The following CECR2 variants were observed in gnomAD, a reference collection of about 807,000 sequenced individuals.
The protein encoded by CECR2 is chromatin remodeling regulator CECR2.
Under a neutral mutation model 154.5 loss-of-function variants are expected in CECR2, and 30 were observed. The ratio of observed to expected loss-of-function variants is 0.19; its 90% CI spans 0.15 to 0.26. The LOEUF is 0.26. Ranked by LOEUF, CECR2 falls within the 10% of genes least tolerant of loss-of-function variation. The probability of loss-of-function intolerance (pLI) is 1.00; values close to 1 mark genes in which losing one functional copy is unlikely to be tolerated. For synonymous variants in CECR2, 725 were observed against 683.7 expected (o/e 1.06, Z -0.94); for missense variants, 1,743 against 1,829.3 (o/e 0.95, Z 0.86).
In CECR2 at chr22:17,497,713, A is replaced by G. The variant is rs1390037191; in HGVS notation, c.405+127A>G. On this transcript the variant is annotated intron_variant, in intron 3 of 18. Coordinates refer to ENST00000262608, the MANE Select transcript of CECR2 (RefSeq NM_001290047.2). ...TGTGGTACTAGTCTTGGTACTATTC[A>G]TTGCCAATAACACTGTATGGAAAAC... The G allele has an allele frequency of 4.9e-5, 41 of 833,320 alleles. No homozygotes were observed. In the South Asian group the frequency reaches 6.1e-4, roughly 12 times the overall value. 51.6% of individuals were successfully genotyped at this position (833,320 alleles called of 1,614,324 possible).
intron 1 of CECR2, among the ~76,000 whole-genome samples, chr22:17,412,037 C>A (rs2054075344): frequency 6.6e-6 from 1 of 152,298 alleles, no homozygotes; most frequent in East Asian, 1.9e-4. Context: ...ATACATGACT[C>A]TTTCCTTAGG....
chr22:17,499,406 G>T lies in CECR2; in HGVS notation c.406-4G>T, dbSNP rs2055694916. 1 of 1,613,054 alleles carries T rather than the reference G, an allele frequency of 6.2e-7. No homozygotes were observed. Among genetic ancestry groups the T allele is most frequent in the African/African-American group, 1.3e-5 (1 of 74,860 alleles). The stretch of plus-strand genomic sequence containing the variant: ...CCCAAACCCCTTTTCCGTGCTCTGT[G>T]TAGGGCCTGGATGCAGACAGTCTCC... On this transcript the variant is annotated splice_region_variant and splice_polypyrimidine_tract_variant and intron_variant, in intron 3 of 18. Coordinates refer to ENST00000262608, the MANE Select transcript of CECR2 (RefSeq NM_001290047.2).
At chr22:17,534,977 C>T (rs1408958367) in intron 9 of CECR2, among the ~76,000 whole-genome samples, 3 of 151,432 alleles carry the variant, frequency 2.0e-5, no homozygotes, top group South Asian at 2.1e-4. Context: ...AGTGAAACCC[C>T]GTCTCTACTA....
chr22:17,463,800 T>C (rs550290919), intron 1 of CECR2, among the ~76,000 whole-genome samples: 1 of 152,162 alleles, frequency 6.6e-6, no homozygotes, highest in East Asian at 1.9e-4. Context: ...TGAGCCATGA[T>C]GCTGAAAGAG....
chr22:17,448,415 T>C (rs998135746), intron 1 of CECR2, among the ~76,000 whole-genome samples: 4 of 152,206 alleles, frequency 2.6e-5, no homozygotes, highest in Non-Finnish European at 5.9e-5. Flanking sequence ...TGGAAAGAAG[T>C]AATGTAATGG....
Position 17,542,886 on chromosome 22 carries a change from C to G in CECR2, c.2743C>G (p.Pro915Ala). 6.2e-7 allele frequency: 1 copy of G among 1,613,950 alleles called. No homozygotes were observed. The highest frequency in any genetic ancestry group is 8.5e-7 in the Non-Finnish European group (1 of 1,179,882). Residue 915 changes from proline (P) to alanine (A), a missense_variant, in exon 16 of 19, where the codon CCT (proline) becomes GCT (alanine). This residue lies in a region of CECR2 where 1,250 missense variants were observed against 1,192.1 expected (regional missense o/e 1.05). Transcript: ENST00000262608. ...GCCTGCACACCCCCGTTTACCTGGC[C>G]CTTTTCCGCAGGTAGCTCACCCAAT... ...HQPAHPRLPGPFPQVAHPMSV... is the reference protein window; with the variant it reads ...HQPAHPRLPGAFPQVAHPMSV...
At chr22:17,461,837 G>A (rs1226361877) in intron 1 of CECR2, among the ~76,000 whole-genome samples, 1 of 149,348 alleles carries the variant, frequency 6.7e-6, no homozygotes, top group Non-Finnish European at 1.5e-5. Context: ...CTGTCGCCCA[G>A]GCTGGAGTGC....
chr22:17,472,953 GTT>G (rs2055151585), intron 1 of CECR2, among the ~76,000 whole-genome samples: 1 of 152,136 alleles, frequency 6.6e-6, no homozygotes, highest in Admixed American at 6.5e-5. Flanking sequence ...TAAAGGCCCT[GTT>G]TCTTCTGCTT....
At chr22:17,452,229 C>CGCCTG (rs2054782694) in intron 1 of CECR2, among the ~76,000 whole-genome samples, 1 of 152,142 alleles carries the variant, frequency 6.6e-6, no homozygotes, top group Admixed American at 6.6e-5. Flanking sequence ...TGAGCCACCA[C>CGCCTG]GCCAGACTAA....
chr22:17,505,031 C>G lies in CECR2; in HGVS notation c.870+15C>G. 6.2e-7 allele frequency: 1 copy of G among 1,611,032 alleles called. No individual in the cohort carries two copies. The highest frequency in any genetic ancestry group is 8.5e-7 in the Non-Finnish European group (1 of 1,178,866). ...TCGCCCAGAAGGTGCGCCACACTCT[C>G]TGCTCTGTCCTCCTCAGTGTTAGGC... On this transcript the variant is annotated intron_variant, in intron 7 of 18. Transcript: ENST00000262608.
intron 4 of CECR2, 143 bp from the exon 5 acceptor site, chr22:17,500,488 G>T: frequency 1.7e-6 from 1 of 604,012 alleles, no homozygotes; most frequent in African/African-American, 1.8e-5. Context: ...TAATAATGAA[G>T]ACTGGAAGTT....
At chr22:17,397,379 G>A (rs2053827436) in intron 1 of CECR2, among the ~76,000 whole-genome samples, 1 of 152,086 alleles carries the variant, frequency 6.6e-6, no homozygotes, top group South Asian at 2.1e-4. Flanking sequence ...TGATCCACCC[G>A]CCTTCGCCTC....
At chr22:17,543,338 G>A (rs2056561264) in intron 16 of CECR2, among the ~76,000 whole-genome samples, 1 of 151,882 alleles carries the variant, frequency 6.6e-6, no homozygotes, top group Non-Finnish European at 1.5e-5. Flanking sequence ...GTTTCACCGT[G>A]TTAGCCAGGA....
At position 17,555,231 on chromosome 22, in the gene CECR2, G is replaced by A. The variant is rs2056760079; in HGVS notation, c.*2391G>A. 6.6e-6 allele frequency: 1 copy of A among 152,244 alleles called. No individual in the cohort carries two copies. Among genetic ancestry groups the A allele is most frequent in the African/African-American group, 2.4e-5 (1 of 41,458 alleles). 9.4% of individuals were successfully genotyped at this position (152,244 alleles called of 1,614,324 possible). ...CTAGAGCGATGCTGTGAACGATACA[G>A]GAAAAGTCAGTAAATCCCTTTATCC... On this transcript the variant is annotated 3_prime_UTR_variant, in exon 19 of 19. Transcript: ENST00000262608.
rs1366065586 is a variant in CECR2 at position 17,541,938 on chromosome 22, G to A, written c.1984G>A (p.Val662Met). 5.0e-6 allele frequency: 8 copies of A among 1,613,838 alleles called. No individual in the cohort carries two copies. Among genetic ancestry groups the A allele is most frequent in the Non-Finnish European group, 6.8e-6 (8 of 1,179,870 alleles). ...GVPEPHPGEPVQQRQPFTMQP... is the reference protein window; with the variant it reads ...GVPEPHPGEPMQQRQPFTMQP... ...CCCGGAGCCACACCCCGGGGAGCCT[G>A]TGCAGCAGCGTCAGCCTTTCACCAT... is the stretch of plus-strand genomic sequence containing the variant. Residue 662 changes from valine (V) to methionine (M), a missense_variant, in exon 15 of 19, where the codon GTG becomes ATG. Around this residue, in one of 4 missense-constraint regions of CECR2, gnomAD observed 1,250 missense variants for 1,192.1 expected, o/e 1.05. Transcript: ENST00000262608.
At chr22:17,406,894 C>T (rs145033004) in intron 1 of CECR2, among the ~76,000 whole-genome samples, 1 of 152,238 alleles carries the variant, frequency 6.6e-6, no homozygotes, top group Non-Finnish European at 1.5e-5. Context: ...CCTGGCATGC[C>T]TGGGGTATTC....
chr22:17,445,730 T>C (rs2401121), intron 1 of CECR2, among the ~76,000 whole-genome samples: 45,248 of 151,376 alleles, frequency 0.3, 9,673 homozygotes, highest in African/African-American at 0.58. Context: ...GTAGCTAGGA[T>C]TACAGGCGGG....
chr22:17,508,283 A>G (rs1268084055), intron 7 of CECR2, among the ~76,000 whole-genome samples: 3 of 151,980 alleles, frequency 2.0e-5, no homozygotes, highest in African/African-American at 7.3e-5. Flanking sequence ...AGTGTACTGT[A>G]ATGTCCTAAC....
rs531546633 is a variant in CECR2 at position 17,504,562 on chromosome 22, G to A, written c.701-285G>A. ...CGCCATTCTCCTGCCTCAGCCTCCC[G>A]AGTAGCTAGGATCACAGGCGCCCGC... On this transcript the variant is annotated intron_variant, in intron 6 of 18. Transcript: ENST00000262608. Among the ~76,000 whole-genome samples, 51 of 151,828 alleles carry A rather than the reference G, an allele frequency of 3.4e-4. No individual in the cohort carries two copies. In the South Asian group the frequency reaches 9.1e-3, roughly 27 times the overall value.
Sources: allele counts gnomAD v4.1 joint callset (sites outside exome capture counted in the v4.1 genomes callset), GRCh38; gene constraint gnomAD v4.1.1; regional missense constraint gnomAD v4.1.1; transcripts MANE v1.5; gene names NCBI Gene and HGNC (gene_info 2026-07-23, HGNC 2026-07-21).